CALN1: variants seen among roughly 807,000 people sequenced by gnomAD.
CALN1 encodes calcium-binding protein 8.
In CALN1, 17 loss-of-function variants were observed where a neutral mutation model predicts 30.6. The ratio of observed to expected loss-of-function variants is 0.56; its 90% CI spans 0.38 to 0.83. The LOEUF is 0.83. Ranked by LOEUF, CALN1 falls within the 40% of genes least tolerant of loss-of-function variation. The probability of loss-of-function intolerance (pLI) is 0.00; values close to 1 mark genes in which losing one functional copy is unlikely to be tolerated. For synonymous variants in CALN1, 156 were observed against 131.4 expected, an observed-to-expected ratio of 1.19 and a Z score of -1.28; for missense variants, 291 against 354.9, an observed-to-expected ratio of 0.82 and a Z score of 1.45.
chr7:72,030,592 G>T (rs1185588662), intron 4 of CALN1, among the ~76,000 whole-genome samples: 1 of 152,100 alleles, frequency 6.6e-6, no homozygotes, highest in Non-Finnish European at 1.5e-5. Context: ...GAAACAAATA[G>T]AATCTCAGAG....
chr7:72,325,427 C>G (rs529942555), intron 2 of CALN1, among the ~76,000 whole-genome samples: 2 of 152,170 alleles, frequency 1.3e-5, no homozygotes, highest in Admixed American at 1.3e-4. Context: ...ATAGGGAAAC[C>G]CTGTCTCTAC....
chr7:71,836,176 C>T (rs73183259), intron 5 of CALN1, among the ~76,000 whole-genome samples: 1,588 of 152,332 alleles, frequency 0.01, 19 homozygotes, highest in Non-Finnish European at 0.019. Context: ...CTGGATCAAC[C>T]GGGTCTCCGC....
intron 4 of CALN1, among the ~76,000 whole-genome samples, chr7:72,063,742 A>G (rs1803825746): frequency 6.6e-6 from 1 of 152,220 alleles, no homozygotes; most frequent in African/African-American, 2.4e-5. Flanking sequence ...ATTTTGAGTG[A>G]CAACCTGACG....
intron 4 of CALN1, among the ~76,000 whole-genome samples, chr7:72,092,152 C>G (rs1222277895): frequency 6.6e-6 from 1 of 152,034 alleles, no homozygotes. Flanking sequence ...GAATTTGTTG[C>G]TTTTCTTTTC....
At chr7:71,829,974 T>C (rs1789162431) in intron 5 of CALN1, among the ~76,000 whole-genome samples, 1 of 151,986 alleles carries the variant, frequency 6.6e-6, no homozygotes, top group Admixed American at 6.5e-5. Context: ...AGCCATTGTC[T>C]GTCTGTCTGT....
At chr7:72,303,646 C>T (rs556085789) in intron 2 of CALN1, among the ~76,000 whole-genome samples, 79 of 152,184 alleles carry the variant, frequency 5.2e-4, no homozygotes, top group Non-Finnish European at 1.1e-3. Context: ...CAAATAAATA[C>T]AATGAGAGTG....
At chr7:72,096,385 C>A (rs1274744080) in intron 4 of CALN1, among the ~76,000 whole-genome samples, 1 of 152,202 alleles carries the variant, frequency 6.6e-6, no homozygotes, top group Admixed American at 6.5e-5. Context: ...CTTGCTCCTG[C>A]AAATATCCAC....
chr7:71,909,177 C>A (rs981708172), intron 5 of CALN1, among the ~76,000 whole-genome samples: 2 of 152,186 alleles, frequency 1.3e-5, no homozygotes, highest in Non-Finnish European at 2.9e-5. Context: ...CCAACACGCC[C>A]AGCTGATTTT....
chr7:71,941,398 G>C (rs1796123877), intron 5 of CALN1, among the ~76,000 whole-genome samples: 1 of 150,940 alleles, frequency 6.6e-6, no homozygotes, highest in Non-Finnish European at 1.5e-5. Context: ...CATAAATGAA[G>C]TTAACTGACG....
intron 5 of CALN1, among the ~76,000 whole-genome samples, chr7:71,869,280 GGCTCACT>G (rs1791782630): frequency 1.3e-5 from 2 of 150,922 alleles, no homozygotes; most frequent in Non-Finnish European, 2.9e-5. Flanking sequence ...GCACGATATT[GGCTCACT>G]GCAACCTCTG....
chr7:72,090,919 C>T (rs10950294), intron 4 of CALN1, among the ~76,000 whole-genome samples: 31,234 of 151,864 alleles, frequency 0.21, 3,504 homozygotes, highest in East Asian at 0.28. Context: ...ATTATAGGGG[C>T]AAGGATGGGT....
chr7:72,119,205 A>G (rs1808207323), intron 3 of CALN1, among the ~76,000 whole-genome samples: 2 of 152,168 alleles, frequency 1.3e-5, no homozygotes, highest in South Asian at 4.1e-4. Flanking sequence ...TTTACAAAAG[A>G]AAGAGGTTTA....
At position 72,028,075 on chromosome 7, in the gene CALN1, A is replaced by T. The variant is rs866104434; in HGVS notation, c.389-4306T>A. Among the ~76,000 whole-genome samples, 622 of 151,154 alleles carry T rather than the reference A, an allele frequency of 4.1e-3. 9 individuals are homozygous for T. The highest frequency in any genetic ancestry group is 0.014 in the African/African-American group (572 of 41,302). On this transcript the variant is annotated intron_variant, in intron 4 of 6. Transcript: ENST00000395275. ...CTCCGTCTCAAAAAAAAAAAAAAAA[A>T]AAAAAAAAAACACATGAGACCTGAT...
intron 4 of CALN1, among the ~76,000 whole-genome samples, chr7:72,028,073 A>C (rs1461208293): frequency 8.8e-6 from 1 of 113,028 alleles, no homozygotes; most frequent in Non-Finnish European, 1.7e-5. Flanking sequence ...AAAAAAAAAA[A>C]AAAAAAAAAA....
intron 5 of CALN1, among the ~76,000 whole-genome samples, chr7:72,020,244 A>G (rs1263147784): frequency 6.6e-6 from 1 of 152,072 alleles, no homozygotes; most frequent in Admixed American, 6.6e-5. Flanking sequence ...TCTGCTTTAG[A>G]GACAGGCTCT....
intron 2 of CALN1, among the ~76,000 whole-genome samples, chr7:72,365,439 G>A (rs2944802): frequency 0.98 from 149,821 of 152,274 alleles, 73,744 homozygotes; most frequent in Middle Eastern, 1. Context: ...TGAGAAATAC[G>A]TTTTCTAAAA....
chr7:71,937,460 T>TAG (rs1170373232), intron 5 of CALN1, among the ~76,000 whole-genome samples: 1 of 151,610 alleles, frequency 6.6e-6, no homozygotes, highest in East Asian at 1.9e-4. Context: ...TATATATATA[T>TAG]AGATGTATAA....
chr7:72,057,953 A>C (rs1288143475), intron 4 of CALN1, among the ~76,000 whole-genome samples: 1 of 152,202 alleles, frequency 6.6e-6, no homozygotes. Flanking sequence ...GAATGCTGAT[A>C]ATTTCCTCTG....
intron 3 of CALN1, among the ~76,000 whole-genome samples, chr7:72,118,372 T>C (rs1808142799): frequency 6.6e-6 from 1 of 152,220 alleles, no homozygotes; most frequent in Non-Finnish European, 1.5e-5. Context: ...TTGGTAACTT[T>C]ATGAGGTGGT....
Sources: allele counts gnomAD v4.1 joint callset (sites outside exome capture counted in the v4.1 genomes callset), GRCh38; gene constraint gnomAD v4.1.1; transcripts MANE v1.5; gene names NCBI Gene and HGNC (gene_info 2026-07-23, HGNC 2026-07-21).